The following SIL1 variants were observed in gnomAD, a reference collection of about 807,000 sequenced individuals.
SIL1 encodes SIL1 nucleotide exchange factor.
A neutral mutation model predicts 49.1 loss-of-function variants in SIL1; 40 were observed. The observed-to-expected ratio is 0.81, with a 90% CI of 0.63 to 1.06. SIL1 has a LOEUF of 1.06. Among genes scored for constraint, SIL1 ranks in the 50% least tolerant of loss-of-function variants. The pLI, the probability that SIL1 is intolerant of heterozygous loss-of-function variation, is 0.00. For missense variants in SIL1, 500 were observed against 572.6 expected (o/e 0.87, Z 1.29); for synonymous variants, 253 against 250.8 (o/e 1.01, Z -0.08).
At chr5:139,048,474 C>G (rs1290052752) in intron 4 of SIL1, among the ~76,000 whole-genome samples, 1 of 149,160 alleles carries the variant, frequency 6.7e-6, no homozygotes, top group Non-Finnish European at 1.5e-5. Flanking sequence ...CTCCCAGGCT[C>G]AAGTGATCCT....
intron 1 of SIL1, chr5:139,155,493 T>C (rs1751391607): frequency 1.1e-5 from 1 of 91,858 alleles, no homozygotes; most frequent in African/African-American, 3.1e-5. Context: ...GCTCTCGAGC[T>C]CTCTTTAATC....
intron 7 of SIL1, among the ~76,000 whole-genome samples, chr5:138,989,169 AG>A (rs1457953175): frequency 1.3e-5 from 2 of 152,240 alleles, no homozygotes; most frequent in Admixed American, 1.3e-4. Flanking sequence ...ATGAAGTTTA[AG>A]TAAGTCATCT....
intron 1 of SIL1, among the ~76,000 whole-genome samples, chr5:139,145,583 T>A (rs989927876): frequency 6.6e-5 from 10 of 151,658 alleles, no homozygotes; most frequent in Non-Finnish European, 1.3e-4. Context: ...CAAACAGCCA[T>A]CACAGATAAG....
In SIL1 at chr5:139,127,823, A is replaced by T. The variant is rs1339857954; in HGVS notation, c.21T>A (p.Pro7=). Residue 7 remains proline (P), a synonymous_variant, in exon 2 of 10, where the codon CCT becomes CCA. Transcript: ENST00000394817. MAPQSL[P]SSRMAPLGML... Reference sequence around the variant, plus strand: ...TGCCCAGAGGAGCCATCCTAGATGAAGGCAGGCTCTGGGGAGCCATAGTCA... The same window carrying T: ...TGCCCAGAGGAGCCATCCTAGATGATGGCAGGCTCTGGGGAGCCATAGTCA... The T allele has an allele frequency of 6.2e-7, 1 of 1,606,388 alleles. No homozygotes were observed. Among genetic ancestry groups the T allele is most frequent in the Non-Finnish European group, 8.5e-7 (1 of 1,177,120 alleles).
chr5:139,135,131 G>C (rs1384893164), intron 1 of SIL1, among the ~76,000 whole-genome samples: 1 of 152,208 alleles, frequency 6.6e-6, no homozygotes, highest in Non-Finnish European at 1.5e-5. Context: ...AAAGTCAAGA[G>C]GCAGACAGCA....
chr5:138,967,771 C>A (rs562294534), intron 7 of SIL1, among the ~76,000 whole-genome samples: 7 of 151,912 alleles, frequency 4.6e-5, no homozygotes, highest in Non-Finnish European at 1.0e-4. Flanking sequence ...GAACAGCAGC[C>A]CCCCCAGGAC....
chr5:138,989,530 G>A lies in SIL1; in HGVS notation c.767+31641C>T, dbSNP rs564606133. On this transcript the variant is annotated intron_variant, in intron 7 of 9. Coordinates refer to ENST00000394817, the MANE Select transcript of SIL1 (RefSeq NM_022464.5). ...ACATATCTGAGGGCAGATGGCAGCAGCACAGGAGGGAGGGAAGAAAGAGAG... is the reference window on the plus strand; with the variant it reads ...ACATATCTGAGGGCAGATGGCAGCAACACAGGAGGGAGGGAAGAAAGAGAG... Among the ~76,000 whole-genome samples, 4 of 152,226 alleles carry A rather than the reference G, an allele frequency of 2.6e-5. No homozygotes were observed. The South Asian group carries it at 6.2e-4, about 24-fold the overall frequency.
At chr5:139,071,431 G>A (rs192183025) in intron 3 of SIL1, among the ~76,000 whole-genome samples, 24 of 152,144 alleles carry the variant, frequency 1.6e-4, no homozygotes, top group Non-Finnish European at 2.5e-4. Flanking sequence ...TGAAGTGCTC[G>A]GCAAAGTTCT....
At chr5:139,030,289 G>A (rs538184868) in intron 5 of SIL1, among the ~76,000 whole-genome samples, 3 of 152,046 alleles carry the variant, frequency 2.0e-5, no homozygotes, top group Non-Finnish European at 4.4e-5. Flanking sequence ...ACTAGAGAAG[G>A]TGAAATTAGA....
intron 3 of SIL1, among the ~76,000 whole-genome samples, chr5:139,053,666 T>G (rs2150456566): frequency 6.6e-6 from 1 of 152,324 alleles, no homozygotes; most frequent in Non-Finnish European, 1.5e-5. Context: ...TCCATCCTTC[T>G]GAAAGAACCA....
chr5:139,129,391 GAGTGA>G (rs1750816599), intron 1 of SIL1, among the ~76,000 whole-genome samples: 1 of 152,158 alleles, frequency 6.6e-6, no homozygotes, highest in African/African-American at 2.4e-5. Context: ...ACAAGTGTAA[GAGTGA>G]AGTTGGGGCC....
intron 4 of SIL1, among the ~76,000 whole-genome samples, chr5:139,045,166 G>A (rs1476897574): frequency 1.3e-5 from 2 of 151,802 alleles, no homozygotes; most frequent in African/African-American, 4.8e-5. Flanking sequence ...AGACCAGTAA[G>A]GGCAACATAG....
intron 3 of SIL1, among the ~76,000 whole-genome samples, chr5:139,090,724 C>T (rs1770326030): frequency 6.6e-6 from 1 of 152,176 alleles, no homozygotes; most frequent in Non-Finnish European, 1.5e-5. Flanking sequence ...CCCACCTCAG[C>T]TTCTGGAGTA....
At chr5:139,091,382 A>G (rs1037556485) in intron 3 of SIL1, among the ~76,000 whole-genome samples, 2 of 152,174 alleles carry the variant, frequency 1.3e-5, no homozygotes, top group African/African-American at 4.8e-5. Context: ...CCAAAAACAC[A>G]ATAGAAAAAA....
chr5:139,146,571 T>TAAAATA (rs1751200827), intron 1 of SIL1, among the ~76,000 whole-genome samples: 1 of 151,986 alleles, frequency 6.6e-6, no homozygotes, highest in African/African-American at 2.4e-5. Context: ...AAATGTTTAA[T>TAAAATA]AAAATAAAAA....
chr5:139,126,486 G>C (rs1750755559), intron 2 of SIL1, among the ~76,000 whole-genome samples: 1 of 152,194 alleles, frequency 6.6e-6, no homozygotes, highest in African/African-American at 2.4e-5. Context: ...AGGGGACACA[G>C]CCCTGGGCCC....
chr5:139,094,569 G>T (rs191900598), intron 3 of SIL1, among the ~76,000 whole-genome samples: 155 of 152,332 alleles, frequency 1.0e-3, no homozygotes, highest in South Asian at 2.9e-3. Context: ...CATAGACAAG[G>T]TTAGTTTTGT....
intron 3 of SIL1, among the ~76,000 whole-genome samples, chr5:139,068,611 CAAGAG>C (rs963743966): frequency 2.7e-5 from 2 of 74,450 alleles, no homozygotes; most frequent in Non-Finnish European, 5.4e-5. Context: ...TACCTGAAAA[CAAGAG>C]AAGAGAAAAC....
At chr5:139,186,894 A>G (rs903583104) in intron 1 of SIL1, among the ~76,000 whole-genome samples, 5 of 152,202 alleles carry the variant, frequency 3.3e-5, no homozygotes, top group Non-Finnish European at 5.9e-5. Context: ...TTCAAAAACA[A>G]AGGGCTCTGG....
Sources: gnomAD v4.1 joint callset for allele counts (sites outside exome capture counted in the v4.1 genomes callset) on GRCh38, gnomAD v4.1.1 for gene constraint, MANE v1.5 for transcripts, NCBI Gene and HGNC (gene_info 2026-07-23, HGNC 2026-07-21) for gene names.